Variants in SFMBT2 observed in about 807,000 individuals in gnomAD.
The protein encoded by SFMBT2 is Scm like with four mbt domains 2, also known as scm-like with four MBT domains protein 2.
A neutral mutation model predicts 110.1 loss-of-function variants in SFMBT2; 38 were observed. That is an observed-to-expected ratio of 0.35 (90% CI 0.27 to 0.45). The LOEUF (loss-of-function observed/expected upper bound fraction) is 0.45. Ranked by LOEUF, SFMBT2 falls within the 20% of genes least tolerant of loss-of-function variation. The pLI is 1.00. For missense variants in SFMBT2, 1,011 were observed against 1,094.9 expected, an observed-to-expected ratio of 0.92 and a Z score of 1.08; for synonymous variants, 425 against 425.4, an observed-to-expected ratio of 1.00 and a Z score of 0.01.
In SFMBT2 at chr10:7,172,646, T is replaced by C. The variant is rs1397060344; in HGVS notation, c.2000A>G (p.Lys667Arg). Residue 667 changes from lysine to arginine, a missense_variant, in exon 18 of 21, where the codon AAG (lysine) becomes AGG (arginine). This residue lies in a region of SFMBT2 where 979 missense variants were observed against 1,016.1 expected (regional missense o/e 0.96). Transcript: ENST00000397167. The surrounding 1 kb of genome is among the most constrained non-coding windows in gnomAD (Gnocchi z 4.6). ...TKTKYTYYYG[K>R]RKKISKPPIG... ...GGGGGGCTTGGAGATCTTCTTTCTC[T>C]TTCCATAGTAATAGGCTGTAGGAAG... The C allele has an allele frequency of 1.2e-6, 2 of 1,614,006 alleles. No homozygotes were observed. Among genetic ancestry groups the C allele is most frequent in the South Asian group, 1.1e-5 (1 of 91,024 alleles).
intron 4 of SFMBT2, among the ~76,000 whole-genome samples, chr10:7,318,653 C>T (rs1843084346): frequency 6.6e-6 from 1 of 152,244 alleles, no homozygotes; most frequent in South Asian, 2.1e-4. Context: ...CCACTCAATC[C>T]TTCAGTAAAT....
chr10:7,180,737 G>A (rs1024863857), intron 16 of SFMBT2, among the ~76,000 whole-genome samples: 1 of 151,924 alleles, frequency 6.6e-6, no homozygotes, highest in Non-Finnish European at 1.5e-5. Context: ...CGGGAGGGAC[G>A]CAGGGGGGAG....
chr10:7,360,079 A>C (rs1339575819), intron 4 of SFMBT2, among the ~76,000 whole-genome samples: 1 of 152,256 alleles, frequency 6.6e-6, no homozygotes, highest in African/African-American at 2.4e-5. Flanking sequence ...CTGGTACCAC[A>C]GGAGGTGCAC....
chr10:7,331,796 G>T (rs1265668309), intron 4 of SFMBT2, among the ~76,000 whole-genome samples: 1 of 152,006 alleles, frequency 6.6e-6, no homozygotes, highest in African/African-American at 2.4e-5. Context: ...CTGAGGTCAG[G>T]AGTTCAAAAT....
Position 7,172,283 on chromosome 10 carries a change from C to T in SFMBT2, c.2152-125G>A. On this transcript the variant is annotated intron_variant, in intron 18 of 20. Coordinates refer to ENST00000397167, the MANE Select transcript of SFMBT2 (RefSeq NM_001387889.1). This position sits in a 1 kb window ranked among gnomAD's most constrained non-coding sequence, Gnocchi z 4.6. ...ACCCTCGGAAATGGAGCCAGTGGTC[C>T]CACCCGTGGGCCCTACGAGGCCCTT... 1.4e-6 allele frequency: 2 copies of T among 1,453,406 alleles called. No individual in the cohort carries two copies. The highest frequency in any genetic ancestry group is 1.4e-5 in the South Asian group (1 of 69,594). The allele number at this position is 1,453,406 out of a possible 1,614,324, so 90.0% of individuals were successfully genotyped here.
chr10:7,326,262 G>A (rs1018738561), intron 4 of SFMBT2, among the ~76,000 whole-genome samples: 1 of 152,222 alleles, frequency 6.6e-6, no homozygotes, highest in Non-Finnish European at 1.5e-5. Flanking sequence ...TAGGTTCCAA[G>A]CTCCATTCAC....
At chr10:7,335,582 A>AAC (rs3065781) in intron 4 of SFMBT2, among the ~76,000 whole-genome samples, 29,108 of 142,718 alleles carry the variant, frequency 0.2, 3,009 homozygotes, top group Non-Finnish European at 0.25. Context: ...CAGAAACAGA[A>AAC]ACACACACAC....
chr10:7,269,392 TC>T (rs762285104), intron 7 of SFMBT2, among the ~76,000 whole-genome samples: 9 of 151,526 alleles, frequency 5.9e-5, no homozygotes, highest in Non-Finnish European at 1.3e-4. Flanking sequence ...TGTGAACACA[TC>T]CCCCCAACGT....
At chr10:7,316,281 G>C (rs1471929729) in intron 4 of SFMBT2, among the ~76,000 whole-genome samples, 1 of 152,184 alleles carries the variant, frequency 6.6e-6, no homozygotes, top group Non-Finnish European at 1.5e-5. Flanking sequence ...ACTGAGAGCA[G>C]AGCCCAGCAG....
intron 5 of SFMBT2, 104 bp downstream of exon 5, chr10:7,285,762 A>C: frequency 1.4e-6 from 1 of 720,438 alleles, no homozygotes; most frequent in Non-Finnish European, 2.6e-6. Context: ...TGTCTGCAGA[A>C]AGCACGCATC....
chr10:7,349,953 C>T lies in SFMBT2; in HGVS notation c.436+17696G>A, dbSNP rs570390595. On this transcript the variant is annotated intron_variant, in intron 4 of 20. Transcript: ENST00000397167. The stretch of plus-strand genomic sequence containing the variant: ...TATGGGAAGCCAACTCTCAAAGAGG[C>T]AATAAGGCTACGTCAGCACCTCATA... 6.6e-5 allele frequency among the ~76,000 whole-genome samples: 10 copies of T among 152,206 alleles called. No homozygotes were observed. The South Asian group carries it at 2.1e-3, about 32-fold the overall frequency.
In SFMBT2 at chr10:7,255,369, A is replaced by G. The variant is rs1840967681; in HGVS notation, c.871-6720T>C. ...ATGATGTTATTCCCGTTATCAGGATATATTACTAAGTCCTTAGTAGATTTA... is the reference window on the plus strand; with the variant it reads ...ATGATGTTATTCCCGTTATCAGGATGTATTACTAAGTCCTTAGTAGATTTA... On this transcript the variant is annotated intron_variant, in intron 7 of 20. Coordinates refer to ENST00000397167, the MANE Select transcript of SFMBT2 (RefSeq NM_001387889.1). 2.0e-5 allele frequency among the ~76,000 whole-genome samples: 3 copies of G among 152,348 alleles called. No individual in the cohort carries two copies. The South Asian group carries it at 6.2e-4, about 32-fold the overall frequency.
rs147839005 is a variant in SFMBT2, at chr10:7,274,024, C to T, written c.870+2868G>A. On this transcript the variant is annotated intron_variant, in intron 7 of 20. Coordinates refer to ENST00000397167, the MANE Select transcript of SFMBT2 (RefSeq NM_001387889.1). Reference sequence around the variant, plus strand: ...ATTCACAATACCAAAGACTTGGAACCAACCCAAATGTTCATCAGTGATAGA... The same window carrying T: ...ATTCACAATACCAAAGACTTGGAACTAACCCAAATGTTCATCAGTGATAGA... Among the ~76,000 whole-genome samples, 1,109 of 152,284 alleles carry T rather than the reference C, an allele frequency of 7.3e-3. 18 individuals are homozygous for T. Among genetic ancestry groups the T allele is most frequent in the African/African-American group, 0.024 (1,006 of 41,558 alleles).
chr10:7,192,645 C>T (rs566958187), intron 15 of SFMBT2, among the ~76,000 whole-genome samples: 1 of 152,280 alleles, frequency 6.6e-6, no homozygotes, highest in South Asian at 2.1e-4. Context: ...ATGCATCAGC[C>T]ACAGGGGCAG....
At chr10:7,202,794 A>C in intron 12 of SFMBT2, 11 of 985,418 alleles carry the variant, frequency 1.1e-5, no homozygotes, top group Non-Finnish European at 1.3e-5. Context: ...TTAAGAAAGC[A>C]AAAGAGTACA....
intron 11 of SFMBT2, among the ~76,000 whole-genome samples, chr10:7,207,394 AAG>A (rs748125729): frequency 9.3e-5 from 14 of 149,748 alleles, no homozygotes; most frequent in Admixed American, 6.7e-4. Flanking sequence ...GAAAGAAAGA[AAG>A]AGAGAAAGGA....
At chr10:7,400,959 C>T (rs1175279926) in intron 1 of SFMBT2, among the ~76,000 whole-genome samples, 1 of 152,114 alleles carries the variant, frequency 6.6e-6, no homozygotes, top group Admixed American at 6.5e-5. Context: ...ATGGTGAAAC[C>T]CCGTCTCTAC....
intron 1 of SFMBT2, among the ~76,000 whole-genome samples, chr10:7,384,162 G>C (rs560805609): frequency 2.5e-5 from 3 of 120,128 alleles, no homozygotes; most frequent in Admixed American, 2.4e-4. Flanking sequence ...GGTGAGCTGA[G>C]ATCGCGCCAT....
At chr10:7,324,413 A>C (rs1274650428) in intron 4 of SFMBT2, among the ~76,000 whole-genome samples, 1 of 152,238 alleles carries the variant, frequency 6.6e-6, no homozygotes, top group Non-Finnish European at 1.5e-5. Context: ...GTGAAGAGCC[A>C]GAAGTAAAAA....
Sources: gnomAD v4.1 joint callset for allele counts (sites outside exome capture counted in the v4.1 genomes callset) on GRCh38, gnomAD v4.1.1 for gene constraint, gnomAD v4.1.1 regional missense constraint, Gnocchi (gnomAD v3.1) non-coding constraint, MANE v1.5 for transcripts, NCBI Gene and HGNC (gene_info 2026-07-23, HGNC 2026-07-21) for gene names.